Variants in JAK2 observed in about 807,000 individuals in gnomAD.
The protein encoded by JAK2 is Janus kinase 2, also known as tyrosine-protein kinase JAK2.
JAK2 carries 86 observed loss-of-function variants against 139.3 expected under a neutral mutation model. The ratio of observed to expected loss-of-function variants is 0.62; its 90% CI spans 0.52 to 0.74. The LOEUF is 0.74. JAK2 is among the 30% of genes least tolerant of loss of function. The probability of loss-of-function intolerance (pLI) is 0.00; values close to 1 mark genes in which losing one functional copy is unlikely to be tolerated. For synonymous variants in JAK2, 490 were observed against 437.7 expected (o/e 1.12, Z -1.49); for missense variants, 1,421 against 1,360.3 (o/e 1.04, Z -0.70).
intron 10 of JAK2, among the ~76,000 whole-genome samples, chr9:5,068,643 A>T (rs543210044): frequency 6.6e-6 from 1 of 152,342 alleles, no homozygotes; most frequent in East Asian, 1.9e-4. Context: ...CGTAGGTTGT[A>T]TGTTGGCAGT....
At chr9:5,012,761 T>G (rs898007214) in intron 2 of JAK2, among the ~76,000 whole-genome samples, 1 of 152,148 alleles carries the variant, frequency 6.6e-6, no homozygotes, top group East Asian at 1.9e-4. Flanking sequence ...TATAATTTAG[T>G]AGTGGAAAGA....
chr9:4,985,013 C>G (rs1041471512), upstream of JAK2: 1 of 152,342 alleles, frequency 6.6e-6, no homozygotes, highest in African/African-American at 2.4e-5. Context: ...GCGACCAGCA[C>G]CGAGCGGCGC....
intron 15 of JAK2, 129 bp downstream of exon 15, chr9:5,077,709 A>T (rs377621059): frequency 1.9e-6 from 1 of 518,058 alleles, no homozygotes; most frequent in East Asian, 3.9e-5. Context: ...AGTCTGTGTT[A>T]GGTGATAAAA....
At chr9:5,093,512 C>T (rs1820744284) in intron 22 of JAK2, among the ~76,000 whole-genome samples, 2 of 152,080 alleles carry the variant, frequency 1.3e-5, no homozygotes, top group Non-Finnish European at 2.9e-5. Context: ...AGCTTATAAG[C>T]AAATAAGATG....
intron 5 of JAK2, among the ~76,000 whole-genome samples, chr9:5,049,094 C>CT (rs1563956591): frequency 1.3e-5 from 2 of 152,046 alleles, no homozygotes; most frequent in African/African-American, 4.8e-5. Context: ...AGTTATCAGC[C>CT]TTTTTTCAGA....
chr9:5,076,300 A>G (rs542660759), intron 14 of JAK2, among the ~76,000 whole-genome samples: 2 of 152,312 alleles, frequency 1.3e-5, no homozygotes, highest in Admixed American at 6.5e-5. Flanking sequence ...GCTATCAAAC[A>G]GCATTGCATG....
chr9:5,126,516 A>T (rs1824010259), intron 24 of JAK2, 70 bp downstream of exon 24: 4 of 1,112,080 alleles, frequency 3.6e-6, no homozygotes, highest in Non-Finnish European at 5.3e-6. Flanking sequence ...ACTTCAGTTC[A>T]CTTCCTGAAA....
At chr9:5,040,039 T>C (rs556744998) in intron 4 of JAK2, among the ~76,000 whole-genome samples, 2 of 152,232 alleles carry the variant, frequency 1.3e-5, no homozygotes, top group Non-Finnish European at 2.9e-5. Flanking sequence ...TGAAGACTTA[T>C]ACTTCCTAAT....
At chr9:5,072,874 T>C (rs574560522) in intron 13 of JAK2, among the ~76,000 whole-genome samples, 1 of 152,314 alleles carries the variant, frequency 6.6e-6, no homozygotes, top group Non-Finnish European at 1.5e-5. Flanking sequence ...TTTCTGCATA[T>C]ACTGTGGCCT....
intron 2 of JAK2, among the ~76,000 whole-genome samples, chr9:4,999,111 C>T (rs1202390982): frequency 1.3e-5 from 2 of 152,170 alleles, no homozygotes; most frequent in African/African-American, 4.8e-5. Context: ...AGGCGTGAGC[C>T]ACCGCACCCG....
chr9:5,043,405 A>G (rs537359348), intron 4 of JAK2, among the ~76,000 whole-genome samples: 1 of 152,236 alleles, frequency 6.6e-6, no homozygotes, highest in Non-Finnish European at 1.5e-5. Flanking sequence ...CGATGGGATA[A>G]TAATAGGTCT....
chr9:5,084,263 C>T (rs1028669961), intron 19 of JAK2, among the ~76,000 whole-genome samples: 1 of 152,072 alleles, frequency 6.6e-6, no homozygotes, highest in Admixed American at 6.5e-5. Flanking sequence ...TATTTCCTAT[C>T]TGTATTTAAC....
In JAK2 at chr9:5,088,144, G is replaced by A. The variant is rs552763705; in HGVS notation, c.2572-1530G>A. ...TTAAGGATGAAAAACCTCATTTTAG[G>A]GAGTTCTGAATTGTCCGCGGTCACA... is the stretch of plus-strand genomic sequence containing the variant. On this transcript the variant is annotated intron_variant, in intron 19 of 24. Coordinates refer to ENST00000381652, the MANE Select transcript of JAK2 (RefSeq NM_004972.4). Among the ~76,000 whole-genome samples, 3 of 152,186 alleles carry A rather than the reference G, an allele frequency of 2.0e-5. No homozygotes were observed. The East Asian group carries it at 5.8e-4, about 29-fold the overall frequency.
intron 9 of JAK2, 131 bp downstream of exon 9, chr9:5,065,171 T>C (rs1165515073): frequency 2.1e-6 from 1 of 486,956 alleles, no homozygotes; most frequent in African/African-American, 2.0e-5. Context: ...CAAAAGGCTA[T>C]TTGCAATCAG....
At chr9:5,085,595 C>G in intron 19 of JAK2, 1 of 696,066 alleles carries the variant, frequency 1.4e-6, no homozygotes, top group East Asian at 2.6e-5. Flanking sequence ...CCTATAGATA[C>G]TACAGAAAGA....
chr9:5,038,646 T>C (rs1816256583), intron 4 of JAK2, among the ~76,000 whole-genome samples: 1 of 151,808 alleles, frequency 6.6e-6, no homozygotes, highest in African/African-American at 2.4e-5. Context: ...TATACGCTGG[T>C]TGAACATACC....
chr9:5,025,858 T>A (rs1458591702), intron 3 of JAK2, among the ~76,000 whole-genome samples: 2 of 152,232 alleles, frequency 1.3e-5, no homozygotes, highest in African/African-American at 4.8e-5. Context: ...TGTTGAAGTT[T>A]TAAATTAATG....
At chr9:5,115,611 TG>T (rs1823082157) in intron 22 of JAK2, among the ~76,000 whole-genome samples, 1 of 152,200 alleles carries the variant, frequency 6.6e-6, no homozygotes, top group Non-Finnish European at 1.5e-5. Context: ...CACATGCACA[TG>T]TATGTTTATT....
chr9:5,122,321 T>C (rs779442631), intron 22 of JAK2, among the ~76,000 whole-genome samples: 4 of 152,174 alleles, frequency 2.6e-5, no homozygotes, highest in Non-Finnish European at 2.9e-5. Context: ...AATGACACCA[T>C]TGCTGTGACT....
Sources: gnomAD v4.1 joint callset for allele counts (sites outside exome capture counted in the v4.1 genomes callset) on GRCh38, gnomAD v4.1.1 for gene constraint, MANE v1.5 for transcripts, NCBI Gene and HGNC (gene_info 2026-07-23, HGNC 2026-07-21) for gene names.